The following KCP variants were observed in gnomAD, a reference collection of about 807,000 sequenced individuals.
KCP encodes the protein kielin/chordin-like protein.
In KCP, 194 loss-of-function variants were observed where a neutral mutation model predicts 212.7. The ratio of observed to expected loss-of-function variants is 0.91; its 90% CI spans 0.81 to 1.03. The LOEUF is 1.03. Ranked by LOEUF, KCP falls within the 50% of genes least tolerant of loss-of-function variation. The probability of loss-of-function intolerance (pLI) is 0.00; values close to 1 mark genes in which losing one functional copy is unlikely to be tolerated. For missense variants in KCP, 2,080 were observed against 2,162.5 expected (o/e 0.96, Z 0.76); for synonymous variants, 833 against 865.3 (o/e 0.96, Z 0.65).
At chr7:128,901,509 C>T (rs1478793155) in intron 8 of KCP, among the ~76,000 whole-genome samples, 1 of 152,092 alleles carries the variant, frequency 6.6e-6, no homozygotes, top group Non-Finnish European at 1.5e-5. Flanking sequence ...GCCTGTAGTC[C>T]CAGCTACTCG....
Position 128,891,778 on chromosome 7 carries a change from A to G in KCP, c.1663T>C (p.Phe555Leu). The G allele has an allele frequency of 1.4e-6, 2 of 1,449,834 alleles. No homozygotes were observed. The highest frequency in any genetic ancestry group is 1.8e-6 in the Non-Finnish European group (2 of 1,099,120). 89.8% of individuals were successfully genotyped at this position (1,449,834 alleles called of 1,614,324 possible). The change falls in exon 17 of 40, where the codon TTC (phenylalanine) becomes CTC (leucine). Residue 555 changes from phenylalanine (F) to leucine (L), a missense_variant. By Grantham distance (22) the Phe-to-Leu change is conservative. Transcript: ENST00000610776. ...TGGCAGGGGTCTCGGGGGTGGGAGAAGCTCTCGCCGTCCACAAACACCTCT... is the reference window on the plus strand; with the variant it reads ...TGGCAGGGGTCTCGGGGGTGGGAGAGGCTCTCGCCGTCCACAAACACCTCT... Reference protein sequence around the residue: ...EEEVFVDGESFSHPRDPCQEC... With the variant: ...EEEVFVDGESLSHPRDPCQEC...
intron 31 of KCP, 38 bp from the exon 32 acceptor site, chr7:128,881,123 T>A (rs1793305454): frequency 2.5e-6 from 1 of 398,954 alleles, no homozygotes; most frequent in Admixed American, 4.4e-5. Flanking sequence ...GCACTGTCCC[T>A]CCTGCTGTAT....
At chr7:128,887,083 C>G (rs547907413) in intron 23 of KCP, 117 bp from the exon 24 acceptor site, 2 of 1,053,548 alleles carry the variant, frequency 1.9e-6, no homozygotes, top group East Asian at 5.2e-5. Flanking sequence ...CACCTGAGCC[C>G]AGTCCTGTCC....
intron 16 of KCP, among the ~76,000 whole-genome samples, 182 bp downstream of exon 16, chr7:128,892,332 C>T (rs1794208948): frequency 6.6e-6 from 1 of 152,104 alleles, no homozygotes; most frequent in Non-Finnish European, 1.5e-5. Context: ...CAGGAATAAA[C>T]AAATCTCTCT....
chr7:128,894,773 A>AT (rs1373468342), intron 8 of KCP, among the ~76,000 whole-genome samples: 1 of 151,964 alleles, frequency 6.6e-6, no homozygotes, highest in African/African-American at 2.4e-5. Flanking sequence ...TGCCCAGCTA[A>AT]TTTTTTATAT....
chr7:128,890,247 ATT>A (rs1337845236), intron 21 of KCP, 94 bp downstream of exon 21: 1 of 1,544,742 alleles, frequency 6.5e-7, no homozygotes, highest in African/African-American at 1.4e-5. Flanking sequence ...TGTAATAAAT[ATT>A]TTAGATCCAC....
chr7:128,907,580 C>T (rs886287361), intron 2 of KCP, 127 bp from the exon 3 acceptor site: 3 of 575,752 alleles, frequency 5.2e-6, no homozygotes, highest in Non-Finnish European at 8.2e-6. Context: ...GAGATGGGTC[C>T]CCCTCGGTCA....
chr7:128,908,586 C>G lies in KCP; in HGVS notation c.77-18G>C, dbSNP rs1052113538. The G allele has an allele frequency of 6.5e-7, 1 of 1,545,228 alleles. No individual in the cohort carries two copies. The highest frequency in any genetic ancestry group is 1.4e-5 in the African/African-American group (1 of 72,920). On this transcript the variant is annotated intron_variant, in intron 1 of 39. Transcript: ENST00000610776. ...AGCCCCACCTGAAGGGCACAAGAAT[C>G]CCATGTGGGCCTGAGGGTGAGGGGC...
intron 4 of KCP, 60 bp downstream of exon 4, chr7:128,907,041 A>G: frequency 6.8e-7 from 1 of 1,479,224 alleles, no homozygotes; most frequent in Non-Finnish European, 9.2e-7. Flanking sequence ...CGCTGCAGTG[A>G]CAGGTAGCTG....
At position 128,884,530 on chromosome 7, in the gene KCP, C is replaced by T. The variant is rs528566587; in HGVS notation, c.3123+251G>A. Reference sequence around the variant, plus strand: ...CCAGGTGGCTCTCCGGCCATACACACCCGCCCTGCACTGCAGCCAGGGGGG... The same window carrying T: ...CCAGGTGGCTCTCCGGCCATACACATCCGCCCTGCACTGCAGCCAGGGGGG... On this transcript the variant is annotated intron_variant, in intron 28 of 39. Coordinates refer to ENST00000610776, the MANE Select transcript of KCP (RefSeq NM_001366122.1). 2.9e-4 allele frequency among the ~76,000 whole-genome samples: 44 copies of T among 152,318 alleles called. 1 individual carries two copies. The highest frequency in any genetic ancestry group is 1.1e-3 in the African/African-American group (44 of 41,574).
At chr7:128,890,624 C>T in intron 20 of KCP, 111 bp from the exon 21 acceptor site, 1 of 202,912 alleles carries the variant, frequency 4.9e-6, no homozygotes, top group Non-Finnish European at 7.4e-6. Flanking sequence ...GCCGTGGGGG[C>T]TGGAGGTCGT....
At chr7:128,908,231 AGAAGAAAG>A (rs1452319283) in intron 2 of KCP, among the ~76,000 whole-genome samples, 187 bp downstream of exon 2, 2 of 125,986 alleles carry the variant, frequency 1.6e-5, no homozygotes, top group African/African-American at 6.9e-5. Flanking sequence ...AGGGAAGGAA[AGAAGAAAG>A]GAAGAAAGAA....
intron 2 of KCP, among the ~76,000 whole-genome samples, 158 bp downstream of exon 2, chr7:128,908,251 GAAGAAAGAAAGAAAGAA>G (rs1795242859): frequency 3.0e-5 from 3 of 101,206 alleles, no homozygotes; most frequent in African/African-American, 7.8e-5. Flanking sequence ...AAGAAAGAAA[GAAGAAAGAAAGAAAGAA>G]AGAAAGAAAG....
rs1340648264 is a variant in KCP, at chr7:128,893,031, G to T, written c.1268-10C>A. 2.2e-6 allele frequency: 2 copies of T among 898,844 alleles called. No individual in the cohort carries two copies. Among genetic ancestry groups the T allele is most frequent in the East Asian group, 5.3e-5 (2 of 38,034 alleles). The allele number at this position is 898,844 out of a possible 1,614,324, so 55.7% of individuals were successfully genotyped here. A position where few individuals can be genotyped will look rare whatever the true frequency, so the allele number is the denominator to read the frequency against. On this transcript the variant is annotated splice_polypyrimidine_tract_variant and intron_variant, in intron 13 of 39. Coordinates refer to ENST00000610776, the MANE Select transcript of KCP (RefSeq NM_001366122.1). Reference sequence around the variant, plus strand: ...CCATCCAGCTCACAGGCTGTAGTAAGGGGGCTGTCACATGGCAGCCTACAC... The same window carrying T: ...CCATCCAGCTCACAGGCTGTAGTAATGGGGCTGTCACATGGCAGCCTACAC...
chr7:128,883,861 A>C lies in KCP; in HGVS notation c.3244+141T>G, dbSNP rs1793479115. The C allele has an allele frequency of 2.8e-6, 3 of 1,065,078 alleles. No homozygotes were observed. In the South Asian group the frequency reaches 5.5e-5, roughly 20 times the overall value. The allele number at this position is 1,065,078 out of a possible 1,614,324, so 66.0% of individuals were successfully genotyped here. ...TCCCCAGTTCCCTTAGGGATGGTGC[A>C]GCCCTCGCCGGCCAGGCATAGGGTT... is the stretch of plus-strand genomic sequence containing the variant. On this transcript the variant is annotated intron_variant, in intron 29 of 39. Coordinates refer to ENST00000610776, the MANE Select transcript of KCP (RefSeq NM_001366122.1).
intron 22 of KCP, among the ~76,000 whole-genome samples, chr7:128,888,034 TACACACACAC>T (rs567635972): frequency 1.2e-3 from 106 of 91,896 alleles, no homozygotes; most frequent in Non-Finnish European, 1.9e-3. Flanking sequence ...CACACACACA[TACACACACAC>T]ACACACACAT....
chr7:128,909,929 G>A (rs913264327), intron 1 of KCP, among the ~76,000 whole-genome samples: 14 of 152,178 alleles, frequency 9.2e-5, no homozygotes, highest in African/African-American at 3.4e-4. Context: ...GGGCGGCCAC[G>A]ATGGGCGTCT....
rs903859599 is a variant in KCP at position 128,886,877 on chromosome 7, G to A, written c.2688C>T (p.His896=). 5.3e-6 allele frequency: 8 copies of A among 1,519,950 alleles called. No individual in the cohort carries two copies. In the African/African-American group the frequency reaches 1.1e-4, roughly 21 times the overall value. The allele number at this position is 1,519,950 out of a possible 1,614,324, so 94.2% of individuals were successfully genotyped here. A position where few individuals can be genotyped will look rare whatever the true frequency, so the allele number is the denominator to read the frequency against. ...SPGPCFCPVC[H]SCLSQGREHQ... ...CCGCGCATGAGGAAGGCAGCTCACT[G>A]TGGCAAACAGGGCAGAAGCAGGGGC... The change falls in exon 24 of 40, where the codon CAC becomes CAT. Residue 896 remains histidine, a splice_region_variant and synonymous_variant. Coordinates refer to ENST00000610776, the MANE Select transcript of KCP (RefSeq NM_001366122.1).
At chr7:128,905,854 C>G (rs1209512516) in intron 5 of KCP, among the ~76,000 whole-genome samples, 2 of 152,058 alleles carry the variant, frequency 1.3e-5, no homozygotes, top group Non-Finnish European at 2.9e-5. Context: ...CATGAAGACC[C>G]AGCTCAAAGG....
Sources: gnomAD v4.1 joint callset for allele counts (sites outside exome capture counted in the v4.1 genomes callset) on GRCh38, gnomAD v4.1.1 for gene constraint, MANE v1.5 for transcripts, NCBI Gene and HGNC (gene_info 2026-07-23, HGNC 2026-07-21) for gene names.